Variants in ARMC2 observed in about 807,000 individuals in gnomAD.
ARMC2 encodes the protein armadillo repeat-containing protein 2.
A neutral mutation model predicts 90.3 loss-of-function variants in ARMC2; 67 were observed. That is an observed-to-expected ratio of 0.74 (90% CI 0.61 to 0.91). ARMC2 has a LOEUF of 0.91. Among genes scored for constraint, ARMC2 ranks in the 40% least tolerant of loss-of-function variants. The probability of loss-of-function intolerance (pLI) is 0.00; values close to 1 mark genes in which losing one functional copy is unlikely to be tolerated. For synonymous variants in ARMC2, 393 were observed against 393.0 expected (o/e 1.00, Z 0.00); for missense variants, 920 against 1,030.9 (o/e 0.89, Z 1.47).
intron 11 of ARMC2, among the ~76,000 whole-genome samples, chr6:108,932,437 G>A (rs1344658644): frequency 6.6e-6 from 1 of 150,380 alleles, no homozygotes; most frequent in Admixed American, 6.6e-5. Flanking sequence ...GAAAGGAAGG[G>A]GTCCAGCTTC....
the ARMC2 span, among the ~76,000 whole-genome samples, chr6:109,023,957 G>A: frequency 6.6e-6 from 1 of 151,526 alleles, no homozygotes; most frequent in Non-Finnish European, 1.5e-5. Context: ...TTTTTCTGTA[G>A]AATGAAATTC....
the ARMC2 span, chr6:108,988,541 A>C: frequency 6.2e-7 from 1 of 1,605,668 alleles, no homozygotes; most frequent in African/African-American, 1.3e-5. Flanking sequence ...ATAGGCACAT[A>C]CCTTCTCAGA....
intron 1 of ARMC2, among the ~76,000 whole-genome samples, chr6:108,851,707 AAGG>A (rs1287290120): frequency 2.0e-5 from 3 of 152,142 alleles, no homozygotes. Context: ...TCAAGAAGCC[AAGG>A]AGGATAGCTT....
At chr6:108,947,757 G>A (rs755113902) in intron 12 of ARMC2, among the ~76,000 whole-genome samples, 5 of 151,830 alleles carry the variant, frequency 3.3e-5, no homozygotes, top group African/African-American at 4.8e-5. Flanking sequence ...CGTAGCTGTT[G>A]CTAGGCTGAT....
chr6:108,923,888 G>A (rs2128482890), intron 10 of ARMC2, among the ~76,000 whole-genome samples: 1 of 152,116 alleles, frequency 6.6e-6, no homozygotes, highest in East Asian at 1.9e-4. Flanking sequence ...CTCTTTTGTC[G>A]CTCCTGTCCC....
At chr6:108,911,436 A>G (rs1479834534) in intron 9 of ARMC2, among the ~76,000 whole-genome samples, 1 of 152,176 alleles carries the variant, frequency 6.6e-6, no homozygotes, top group Non-Finnish European at 1.5e-5. Flanking sequence ...AAGTTTTATT[A>G]TACCTTATCT....
intron 16 of ARMC2, 104 bp from the exon 17 acceptor site, chr6:108,964,876 A>T (rs1778254657): frequency 1.1e-6 from 1 of 875,552 alleles, no homozygotes; most frequent in Admixed American, 2.3e-5. Flanking sequence ...TGATCACTGG[A>T]TTATACTTAC....
downstream of ARMC2, among the ~76,000 whole-genome samples, chr6:108,977,985 T>C (rs1779018069): frequency 6.6e-6 from 1 of 152,200 alleles, no homozygotes; most frequent in South Asian, 2.1e-4. Context: ...GGTTTTTTTA[T>C]GTCTCTATCA....
At chr6:108,944,837 C>G (rs1776691309) in intron 12 of ARMC2, among the ~76,000 whole-genome samples, 1 of 152,028 alleles carries the variant, frequency 6.6e-6, no homozygotes, top group African/African-American at 2.4e-5. Context: ...CCAACAGTCT[C>G]AATGAAAAGG....
chr6:108,927,680 GAACA>G (rs1438424021), intron 10 of ARMC2, among the ~76,000 whole-genome samples: 2 of 144,400 alleles, frequency 1.4e-5, no homozygotes, highest in African/African-American at 5.1e-5. Flanking sequence ...TAAAAGCATA[GAACA>G]ATCAGACAAG....
the ARMC2 span, among the ~76,000 whole-genome samples, chr6:108,994,893 C>T: frequency 1.3e-5 from 2 of 151,880 alleles, no homozygotes; most frequent in South Asian, 4.2e-4. Context: ...TTAGTAGAGA[C>T]GGGGTTTCAC....
intron 11 of ARMC2, among the ~76,000 whole-genome samples, chr6:108,930,854 C>G (rs1412771569): frequency 6.6e-6 from 1 of 151,652 alleles, no homozygotes; most frequent in Non-Finnish European, 1.5e-5. Context: ...CTTGGCCTCC[C>G]AAAGTGCTGG....
intron 17 of ARMC2, among the ~76,000 whole-genome samples, chr6:108,973,105 T>C (rs1229126770): frequency 6.6e-6 from 1 of 152,000 alleles, no homozygotes; most frequent in African/African-American, 2.4e-5. Context: ...GGTGGGAGGA[T>C]TGCTTGAGGT....
Position 108,953,329 on chromosome 6 carries a change from G to A in ARMC2, c.1893G>A (p.Val631=), listed in dbSNP as rs758947618. 2.7e-5 allele frequency: 44 copies of A among 1,606,690 alleles called. No homozygotes were observed. The South Asian group carries it at 4.8e-4, about 18-fold the overall frequency. The change falls in exon 13 of 18, where the codon GTG becomes GTA. Residue 631 remains valine (V), a synonymous_variant. Coordinates refer to ENST00000392644, the MANE Select transcript of ARMC2 (RefSeq NM_032131.6). ...GPVLAANPGI[V]GLLLTTLEYK... is the part of the protein sequence containing the mutation. ...TGCTGGCCGCCAACCCGGGGATAGT[G>A]GGCCTGCTCCTGACCACGCTGGGTG...
chr6:109,012,589 T>C, the ARMC2 span, among the ~76,000 whole-genome samples: 1 of 152,160 alleles, frequency 6.6e-6, no homozygotes, highest in Non-Finnish European at 1.5e-5. Flanking sequence ...CAAGATAGGC[T>C]TCCTGAAGGA....
the ARMC2 span, among the ~76,000 whole-genome samples, chr6:109,022,801 A>G: frequency 2.6e-5 from 4 of 152,316 alleles, no homozygotes; most frequent in Non-Finnish European, 4.4e-5. Context: ...TGGGAAACTC[A>G]GAGAGGTTAA....
chr6:109,036,469 G>C, the ARMC2 span, among the ~76,000 whole-genome samples: 1 of 152,266 alleles, frequency 6.6e-6, no homozygotes, highest in African/African-American at 2.4e-5. Flanking sequence ...GGCTCCAGGA[G>C]AATGAAAAAG....
At chr6:108,878,668 A>G (rs955090186) in intron 5 of ARMC2, among the ~76,000 whole-genome samples, 3 of 152,188 alleles carry the variant, frequency 2.0e-5, no homozygotes, top group Non-Finnish European at 4.4e-5. Context: ...TTAGAGGACT[A>G]TTTAACTTTA....
chr6:108,949,761 A>G (rs57586293), intron 12 of ARMC2, among the ~76,000 whole-genome samples: 1 of 152,226 alleles, frequency 6.6e-6, no homozygotes, highest in Non-Finnish European at 1.5e-5. Context: ...TTCAAGTATT[A>G]TAATCAAATT....
Sources: allele counts gnomAD v4.1 joint callset (sites outside exome capture counted in the v4.1 genomes callset), GRCh38; gene constraint gnomAD v4.1.1; transcripts MANE v1.5; gene names NCBI Gene and HGNC (gene_info 2026-07-23, HGNC 2026-07-21).